PTPRD: variants seen among roughly 807,000 people sequenced by gnomAD.
PTPRD encodes protein tyrosine phosphatase receptor type D, also known as receptor-type tyrosine-protein phosphatase delta.
In PTPRD, 34 loss-of-function variants were observed where a neutral mutation model predicts 214.5. The observed-to-expected ratio is 0.16, with a 90% confidence interval of 0.12 to 0.21. PTPRD has a LOEUF of 0.21. Among genes scored for constraint, PTPRD ranks in the 10% least tolerant of loss-of-function variants. PTPRD has a pLI of 1.00. For synonymous variants in PTPRD, 1,128 were observed against 845.7 expected, an observed-to-expected ratio of 1.33 and a Z score of -5.79; for missense variants, 2,545 against 2,398.7, an observed-to-expected ratio of 1.06 and a Z score of -1.27.
chr9:8,379,389 A>C (rs572046167), intron 37 of PTPRD, among the ~76,000 whole-genome samples: 145 of 151,990 alleles, frequency 9.5e-4, no homozygotes, highest in Non-Finnish European at 1.6e-3. Context: ...GCACACCTTC[A>C]TCTGATTTTG....
At chr9:10,317,415 CT>C (rs1336512580) in intron 3 of PTPRD, among the ~76,000 whole-genome samples, 1 of 151,746 alleles carries the variant, frequency 6.6e-6, no homozygotes, top group Non-Finnish European at 1.5e-5. Context: ...GTAAAATTTT[CT>C]TTTGTCAAAC....
chr9:9,600,702 A>G (rs1326304971), intron 7 of PTPRD, among the ~76,000 whole-genome samples: 1 of 152,016 alleles, frequency 6.6e-6, no homozygotes, highest in African/African-American at 2.4e-5. Flanking sequence ...TGAATCTCAC[A>G]AGCTATGGGT....
chr9:9,532,605 T>G (rs1052091640), intron 8 of PTPRD, among the ~76,000 whole-genome samples: 16 of 152,200 alleles, frequency 1.1e-4, no homozygotes, highest in African/African-American at 3.9e-4. Flanking sequence ...TCCAATTCAT[T>G]GCATCTTTGA....
intron 7 of PTPRD, among the ~76,000 whole-genome samples, chr9:9,706,570 G>C (rs2097614764): frequency 2.0e-5 from 3 of 151,914 alleles, no homozygotes; most frequent in Non-Finnish European, 4.4e-5. Context: ...CTCCCGAGTA[G>C]ATGGGACTAC....
chr9:9,058,582 T>C (rs573500065), intron 10 of PTPRD, among the ~76,000 whole-genome samples: 40 of 149,468 alleles, frequency 2.7e-4, no homozygotes, highest in African/African-American at 9.5e-4. Flanking sequence ...CCCGAGTAGC[T>C]GGGACTACAG....
chr9:8,983,676 T>A (rs886788669), intron 11 of PTPRD, among the ~76,000 whole-genome samples: 1 of 109,308 alleles, frequency 9.1e-6, no homozygotes, highest in Non-Finnish European at 2.5e-5. Flanking sequence ...GCCTGGCTAA[T>A]TTTTTTTTCT....
chr9:8,865,506 C>T (rs924277394), intron 11 of PTPRD, among the ~76,000 whole-genome samples: 4 of 152,086 alleles, frequency 2.6e-5, no homozygotes, highest in South Asian at 2.1e-4. Context: ...TAAAGCCTCC[C>T]GTATAGTCCA....
chr9:9,698,640 G>A (rs116213855), intron 7 of PTPRD, among the ~76,000 whole-genome samples: 1 of 152,194 alleles, frequency 6.6e-6, no homozygotes, highest in African/African-American at 2.4e-5. Context: ...CTGTCTTCAG[G>A]GATATTTCTG....
At chr9:9,797,864 A>T (rs1170051243) in intron 5 of PTPRD, among the ~76,000 whole-genome samples, 1 of 152,102 alleles carries the variant, frequency 6.6e-6, no homozygotes, top group Non-Finnish European at 1.5e-5. Context: ...AATAAAAAAT[A>T]AAAAAAATCA....
chr9:8,522,344 G>A (rs571368241), intron 19 of PTPRD, among the ~76,000 whole-genome samples: 1 of 152,258 alleles, frequency 6.6e-6, no homozygotes, highest in East Asian at 1.9e-4. Flanking sequence ...GGGAGGTAAA[G>A]TATAACGATT....
chr9:9,797,243 G>GTTTTT lies in PTPRD; in HGVS notation c.-367-30397_-367-30393dup, dbSNP rs56375104. ...ACCCTAGGTAGCAGAATTTCAGGCA[G>GTTTTT]TTTTTTTTTTTTTTTTTTTTTTAAA... On this transcript the variant is annotated intron_variant, in intron 5 of 45. Coordinates refer to ENST00000381196, the MANE Select transcript of PTPRD (RefSeq NM_002839.4). Among the ~76,000 whole-genome samples, 687 of 97,928 alleles carry GTTTTT rather than the reference G, an allele frequency of 7.0e-3. 13 individuals carry two copies. The highest frequency in any genetic ancestry group is 0.033 in the East Asian group (94 of 2,872). 64.2% of individuals were successfully genotyped at this position (97,928 alleles called of 152,430 possible). A position where few individuals can be genotyped will look rare whatever the true frequency, so the allele number is the denominator to read the frequency against.
chr9:10,219,124 T>G lies in PTPRD; in HGVS notation c.-545+121839A>C, dbSNP rs547077750. Among the ~76,000 whole-genome samples, 180 of 151,908 alleles carry G rather than the reference T, an allele frequency of 1.2e-3. 1 individual carries two copies. The highest frequency in any genetic ancestry group is 4.2e-3 in the African/African-American group (174 of 41,498). On this transcript the variant is annotated intron_variant, in intron 3 of 45. Transcript: ENST00000381196. ...CAAAAAATAATAAATTAGAAAGGAC[T>G]GACGGGGGATCTGATAGACATCTTC...
At chr9:8,925,757 T>C (rs527445430) in intron 11 of PTPRD, among the ~76,000 whole-genome samples, 1 of 151,526 alleles carries the variant, frequency 6.6e-6, no homozygotes, top group Non-Finnish European at 1.5e-5. Flanking sequence ...ACCTCTTGTC[T>C]CCTTTCTCCC....
rs137917440 is a variant in PTPRD, at chr9:9,348,600, T to C, written c.-203+48849A>G. On this transcript the variant is annotated intron_variant, in intron 9 of 45. Coordinates refer to ENST00000381196, the MANE Select transcript of PTPRD (RefSeq NM_002839.4). ...CATGTTTTCTTCCCTTCAGACACAC[T>C]GTGTAATGGGACGTTGGGGACAGGA... 2.4e-3 allele frequency among the ~76,000 whole-genome samples: 369 copies of C among 152,222 alleles called. 1 individual carries two copies. The highest frequency in any genetic ancestry group is 8.6e-3 in the African/African-American group (356 of 41,554).
At chr9:10,079,815 G>C (rs146270737) in intron 3 of PTPRD, among the ~76,000 whole-genome samples, 4 of 152,122 alleles carry the variant, frequency 2.6e-5, no homozygotes, top group Admixed American at 6.6e-5. Context: ...CTGCAAAATA[G>C]GTCTATTGTC....
chr9:9,605,124 C>A (rs1432484612), intron 7 of PTPRD, among the ~76,000 whole-genome samples: 1 of 152,038 alleles, frequency 6.6e-6, no homozygotes, highest in Non-Finnish European at 1.5e-5. Context: ...CCAGTAGATT[C>A]ACATAACGTA....
intron 3 of PTPRD, among the ~76,000 whole-genome samples, chr9:10,251,556 T>A (rs1157961752): frequency 1.3e-5 from 2 of 152,192 alleles, no homozygotes; most frequent in Non-Finnish European, 2.9e-5. Context: ...ATCCACATTA[T>A]ATGAATGAGC....
chr9:8,444,581 C>T (rs2095656140), intron 34 of PTPRD, among the ~76,000 whole-genome samples: 1 of 151,898 alleles, frequency 6.6e-6, no homozygotes, highest in African/African-American at 2.4e-5. Flanking sequence ...AATTTTTCTT[C>T]TCTAAAAGTG....
At chr9:9,642,619 G>A (rs532733259) in intron 7 of PTPRD, among the ~76,000 whole-genome samples, 23 of 152,172 alleles carry the variant, frequency 1.5e-4, no homozygotes, top group Admixed American at 7.9e-4. Flanking sequence ...ATTGGGCCAC[G>A]AGAAATAGCA....
Sources: gnomAD v4.1 joint callset for allele counts (sites outside exome capture counted in the v4.1 genomes callset) on GRCh38, gnomAD v4.1.1 for gene constraint, MANE v1.5 for transcripts, NCBI Gene and HGNC (gene_info 2026-07-23, HGNC 2026-07-21) for gene names.